ATAD3C: variants seen among roughly 807,000 people sequenced by gnomAD.
The protein encoded by ATAD3C is ATPase family AAA domain-containing protein 3C.
ATAD3C carries 38 observed loss-of-function variants against 46.3 expected under a neutral mutation model. The observed-to-expected ratio is 0.82, with a 90% CI of 0.63 to 1.08. The LOEUF is 1.08. Among genes scored for constraint, ATAD3C ranks in the 50% least tolerant of loss-of-function variants. The pLI, the probability that ATAD3C is intolerant of heterozygous loss-of-function variation, is 0.00. For missense variants in ATAD3C, 563 were observed against 572.7 expected (o/e 0.98, Z 0.17); for synonymous variants, 220 against 236.4 (o/e 0.93, Z 0.63).
intron 11 of ATAD3C, among the ~76,000 whole-genome samples, chr1:1,464,972 G>A (rs1781152): frequency 2.0e-5 from 3 of 151,450 alleles, no homozygotes; most frequent in African/African-American, 7.3e-5. Flanking sequence ...TGCAACCTCC[G>A]CCTCCCGGGT....
chr1:1,468,675 G>T lies in ATAD3C; in HGVS notation c.*145G>T. 6.6e-7 allele frequency: 1 copy of T among 1,506,400 alleles called. No individual in the cohort carries two copies. 93.3% of individuals were successfully genotyped at this position (1,506,400 alleles called of 1,614,324 possible). A position where few individuals can be genotyped will look rare whatever the true frequency, so the allele number is the denominator to read the frequency against. ...TGTGTCTATTGGCTGACACGGGGCG[G>T]GGTTTGGGGCCCCCTAACGTCCCCC... On this transcript the variant is annotated 3_prime_UTR_variant, in exon 12 of 12. Coordinates refer to ENST00000378785, the MANE Select transcript of ATAD3C (RefSeq NM_001039211.3).
chr1:1,465,220 G>A (rs1271774733), intron 11 of ATAD3C, among the ~76,000 whole-genome samples: 1 of 151,768 alleles, frequency 6.6e-6, no homozygotes, highest in Non-Finnish European at 1.5e-5. Context: ...TCACCTTCTC[G>A]GTCAAGTGAA....
chr1:1,464,653 C>T (rs1291984935), intron 11 of ATAD3C, among the ~76,000 whole-genome samples: 1 of 151,674 alleles, frequency 6.6e-6, no homozygotes, highest in Non-Finnish European at 1.5e-5. Flanking sequence ...TGACTGTAAT[C>T]CCAGCTACTC....
chr1:1,464,539 G>A (rs1393159697), intron 11 of ATAD3C, among the ~76,000 whole-genome samples: 1 of 151,966 alleles, frequency 6.6e-6, no homozygotes, highest in African/African-American at 2.4e-5. Flanking sequence ...GGGAAGCTGA[G>A]GTGGGTGGAT....
intron 1 of ATAD3C, among the ~76,000 whole-genome samples, chr1:1,451,119 C>T (rs574622966): frequency 1.3e-5 from 2 of 151,580 alleles, no homozygotes; most frequent in East Asian, 3.9e-4. Flanking sequence ...TGGCTCACTG[C>T]AAGCTCCACC....
At chr1:1,453,084 G>A (rs1361147542) in intron 3 of ATAD3C, among the ~76,000 whole-genome samples, 1 of 152,120 alleles carries the variant, frequency 6.6e-6, no homozygotes, top group Non-Finnish European at 1.5e-5. Context: ...CCAGAGCTGT[G>A]ACTGCAGCGC....
rs113898522 is a variant in ATAD3C, at chr1:1,462,684, C to G, written c.1065C>G (p.Ile355Met). The G allele has an allele frequency of 1.2e-6, 2 of 1,605,140 alleles. No homozygotes were observed. Among genetic ancestry groups the G allele is most frequent in the African/African-American group, 1.3e-5 (1 of 74,852 alleles). Residue 355 changes from isoleucine (I) to methionine (M), a missense_variant, in exon 11 of 12, where the codon ATC becomes ATG. Around this residue, in one of 3 missense-constraint regions of ATAD3C, gnomAD observed 273 missense variants for 253.5 expected, o/e 1.08. Coordinates refer to ENST00000378785, the MANE Select transcript of ATAD3C (RefSeq NM_001039211.3). The surrounding 1 kb of genome is among the most constrained non-coding windows in gnomAD (Gnocchi z 4.5). Reference sequence around the variant, plus strand: ...CAGAGGGCATGTCATGCCGGAAGATCGCACAGCTGGCCGTGTCCTGGCAGG... The same window carrying G: ...CAGAGGGCATGTCATGCCGGAAGATGGCACAGCTGGCCGTGTCCTGGCAGG... ...RLTEGMSCRK[I>M]AQLAVSWQAT...
At chr1:1,458,594 TG>T (rs1158375798) in intron 8 of ATAD3C, among the ~76,000 whole-genome samples, 1 of 151,664 alleles carries the variant, frequency 6.6e-6, no homozygotes. Flanking sequence ...CTAACTTTTT[TG>T]TAATGTTAGT....
chr1:1,456,978 C>T (rs921293747), intron 7 of ATAD3C, 151 bp from the exon 8 acceptor site: 9 of 1,072,108 alleles, frequency 8.4e-6, no homozygotes, highest in South Asian at 4.2e-5. Context: ...GGTGGATCAG[C>T]TTCTGTCAGG....
chr1:1,460,883 G>T lies in ATAD3C; in HGVS notation c.946G>T (p.Glu316Ter). Residue 316 changes from glutamate (E) to a stop codon, truncating the protein, a stop_gained, in exon 10 of 12, where the codon GAG (glutamate) becomes TAG (stop). Coordinates refer to ENST00000378785, the MANE Select transcript of ATAD3C (RefSeq NM_001039211.3). LOFTEE classifies it high-confidence loss of function. ...RARLVRMYLN[E>*]YVLKPATEGK... is the part of the protein sequence containing the mutation. ...GCGCCTGGTGAGAATGTATCTTAACGAGTATGTTCTTAAGCCGGCCACAGA... is the reference window on the plus strand; with the variant it reads ...GCGCCTGGTGAGAATGTATCTTAACTAGTATGTTCTTAAGCCGGCCACAGA... The T allele has an allele frequency of 6.2e-7, 1 of 1,612,418 alleles. No homozygotes were observed. Among genetic ancestry groups the T allele is most frequent in the South Asian group, 1.1e-5 (1 of 90,818 alleles).
chr1:1,466,970 A>G (rs1355792036), intron 11 of ATAD3C, among the ~76,000 whole-genome samples: 1 of 152,076 alleles, frequency 6.6e-6, no homozygotes, highest in Non-Finnish European at 1.5e-5. Flanking sequence ...ATGTGAAGAC[A>G]TCAGGTCCAG....
chr1:1,457,938 AG>A (rs1379326792), intron 8 of ATAD3C, among the ~76,000 whole-genome samples: 1 of 151,392 alleles, frequency 6.6e-6, no homozygotes, highest in Non-Finnish European at 1.5e-5. Context: ...AGCCTCTCAA[AG>A]TGCTGGTATT....
chr1:1,462,593 T>G lies in ATAD3C; in HGVS notation c.981-7T>G. Reference sequence around the variant, plus strand: ...TTGGCCGGCCCACTTGGGAACTCCTTCCCCAGGCGTCTGAAGCTGGCCCAG... The same window carrying G: ...TTGGCCGGCCCACTTGGGAACTCCTGCCCCAGGCGTCTGAAGCTGGCCCAG... On this transcript the variant is annotated splice_polypyrimidine_tract_variant and splice_region_variant and intron_variant, in intron 10 of 11. Coordinates refer to ENST00000378785, the MANE Select transcript of ATAD3C (RefSeq NM_001039211.3). The surrounding 1 kb of genome is among the most constrained non-coding windows in gnomAD (Gnocchi z 4.5). 6.3e-7 allele frequency: 1 copy of G among 1,587,210 alleles called. No homozygotes were observed. Among genetic ancestry groups the G allele is most frequent in the East Asian group, 2.3e-5 (1 of 44,142 alleles).
chr1:1,467,482 G>A (rs951220777), intron 11 of ATAD3C, among the ~76,000 whole-genome samples: 7 of 152,078 alleles, frequency 4.6e-5, no homozygotes, highest in African/African-American at 9.7e-5. Context: ...AGGGATGGGC[G>A]CTGGCAGAGG....
intron 3 of ATAD3C, among the ~76,000 whole-genome samples, chr1:1,453,000 G>A (rs549342742): frequency 2.7e-3 from 406 of 151,936 alleles, no homozygotes; most frequent in African/African-American, 8.8e-3. Flanking sequence ...TGTGTCCTCC[G>A]TCCCCCCACC....
At chr1:1,466,601 ATG>A (rs1639150224) in intron 11 of ATAD3C, among the ~76,000 whole-genome samples, 1 of 150,988 alleles carries the variant, frequency 6.6e-6, no homozygotes, top group Non-Finnish European at 1.5e-5. Context: ...TGAGAGGGTC[ATG>A]TGGTTTCCTT....
chr1:1,455,481 A>T lies in ATAD3C; in HGVS notation c.400A>T (p.Ser134Cys). The change falls in exon 5 of 12, where the codon AGT (serine) becomes TGT (cysteine). Residue 134 changes from serine (S) to cysteine (C), a missense_variant. Coordinates refer to ENST00000378785, the MANE Select transcript of ATAD3C (RefSeq NM_001039211.3). ...PIQQVSRRLL[S>C]RPQDVLEGVV... Reference sequence around the variant, plus strand: ...CCAGCAGGTCAGCCGGCGGCTCCTCAGTCGACCCCAGGACGTGCTGGAGGG... The same window carrying T: ...CCAGCAGGTCAGCCGGCGGCTCCTCTGTCGACCCCAGGACGTGCTGGAGGG... 6.2e-7 allele frequency: 1 copy of T among 1,612,550 alleles called. No homozygotes were observed.
intron 9 of ATAD3C, among the ~76,000 whole-genome samples, chr1:1,460,133 C>T (rs1057021215): frequency 2.0e-5 from 3 of 147,418 alleles, no homozygotes; most frequent in East Asian, 2.0e-4. Flanking sequence ...GGTGCAATGG[C>T]GTGATCTTGG....
chr1:1,467,411 C>A (rs1185122315), intron 11 of ATAD3C, among the ~76,000 whole-genome samples: 1 of 152,004 alleles, frequency 6.6e-6, no homozygotes, highest in Non-Finnish European at 1.5e-5. Context: ...GCTCCCGGGC[C>A]CCCGACCCAC....
Sources: gnomAD v4.1 joint callset for allele counts (sites outside exome capture counted in the v4.1 genomes callset) on GRCh38, gnomAD v4.1.1 for gene constraint, gnomAD v4.1.1 regional missense constraint, Gnocchi (gnomAD v3.1) non-coding constraint, MANE v1.5 for transcripts, NCBI Gene and HGNC (gene_info 2026-07-23, HGNC 2026-07-21) for gene names.